Variants in GSG1L observed in about 807,000 individuals in gnomAD.
GSG1L encodes germ cell-specific gene 1-like protein.
GSG1L carries 24 observed loss-of-function variants against 42.1 expected under a neutral mutation model. That is an observed-to-expected ratio of 0.57 (90% CI 0.41 to 0.80). GSG1L has a LOEUF of 0.80. GSG1L is among the 30% of genes least tolerant of loss of function. The probability of loss-of-function intolerance (pLI) is 0.00; values close to 1 mark genes in which losing one functional copy is unlikely to be tolerated. For synonymous variants in GSG1L, 215 were observed against 203.5 expected (o/e 1.06, Z -0.48); for missense variants, 445 against 472.2 (o/e 0.94, Z 0.53).
chr16:28,048,073 AT>A lies in GSG1L; in HGVS notation c.349+15002del, dbSNP rs1396966237. 4.4e-3 allele frequency among the ~76,000 whole-genome samples: 661 copies of A among 148,954 alleles called. 3 individuals are homozygous for A. Among genetic ancestry groups the A allele is most frequent in the African/African-American group, 0.016 (619 of 39,664 alleles). On this transcript the variant is annotated intron_variant, in intron 1 of 6. Coordinates refer to ENST00000447459, the MANE Select transcript of GSG1L (RefSeq NM_001109763.2). Reference sequence around the variant, plus strand: ...ATCTTTACAAAAAAAAAAAAAAAAAATTTTAATTAGCCAGGCATGGTGGCAT... The same window carrying A: ...ATCTTTACAAAAAAAAAAAAAAAAAATTTAATTAGCCAGGCATGGTGGCAT...
chr16:27,968,452 T>A (rs947758936), intron 1 of GSG1L, among the ~76,000 whole-genome samples: 2 of 152,110 alleles, frequency 1.3e-5, no homozygotes, highest in African/African-American at 4.8e-5. Flanking sequence ...GATCTCACTC[T>A]GTCACCCAGG....
intron 2 of GSG1L, among the ~76,000 whole-genome samples, chr16:27,947,560 A>AGAATGAAG (rs2084894861): frequency 1.2e-5 from 1 of 85,778 alleles, no homozygotes; most frequent in Non-Finnish European, 2.9e-5. Context: ...AAAGAAAGAA[A>AGAATGAAG]GAAAGAAAGA....
In GSG1L at chr16:27,907,582, G is replaced by A. The variant is rs537276984; in HGVS notation, c.398-22944C>T. On this transcript the variant is annotated intron_variant, in intron 2 of 6. Coordinates refer to ENST00000447459, the MANE Select transcript of GSG1L (RefSeq NM_001109763.2). Reference sequence around the variant, plus strand: ...TGCAGCCCTGGCCAAGTGACCAGAGGAGAGAGAAAGCTCTGCAGCTCTGGG... The same window carrying A: ...TGCAGCCCTGGCCAAGTGACCAGAGAAGAGAGAAAGCTCTGCAGCTCTGGG... Among the ~76,000 whole-genome samples the A allele has an allele frequency of 6.6e-5, 10 of 152,336 alleles. No homozygotes were observed. In the South Asian group the frequency reaches 2.1e-3, roughly 32 times the overall value.
intron 5 of GSG1L, among the ~76,000 whole-genome samples, chr16:27,827,590 A>T (rs1033561275): frequency 3.9e-5 from 6 of 152,268 alleles, no homozygotes; most frequent in Middle Eastern, 3.4e-3. Context: ...TACAGCAGAA[A>T]CAATGAACTC....
chr16:27,887,189 C>A (rs2084041199), intron 2 of GSG1L, among the ~76,000 whole-genome samples: 1 of 152,146 alleles, frequency 6.6e-6, no homozygotes, highest in Non-Finnish European at 1.5e-5. Context: ...CTCCTAAGCT[C>A]AAGTGATCAT....
chr16:27,850,727 C>T (rs1004078569), intron 3 of GSG1L: 1 of 357,934 alleles, frequency 2.8e-6, no homozygotes. Context: ...CTGGAGAGGG[C>T]CTGGGGCTCA....
At chr16:27,946,100 C>G (rs1485999337) in intron 2 of GSG1L, among the ~76,000 whole-genome samples, 1 of 152,178 alleles carries the variant, frequency 6.6e-6, no homozygotes, top group East Asian at 1.9e-4. Flanking sequence ...GTGAAAAGGC[C>G]CATGAGGTGT....
Position 27,888,608 on chromosome 16 carries a change from T to TC in GSG1L, c.398-3971dup, listed in dbSNP as rs760032040. Among the ~76,000 whole-genome samples, 45 of 148,210 alleles carry TC rather than the reference T, an allele frequency of 3.0e-4. 1 individual carries two copies. Among genetic ancestry groups the TC allele is most frequent in the Non-Finnish European group, 5.0e-4 (34 of 67,330 alleles). The stretch of plus-strand genomic sequence containing the variant: ...CTCCGTCTCTCTCTGTCTCTCTCTC[T>TC]CCCCGCCCCCCTTTCTTTTCTTTCT... On this transcript the variant is annotated intron_variant, in intron 2 of 6. Transcript: ENST00000447459.
At chr16:27,807,280 C>A (rs2082976304) in intron 6 of GSG1L, among the ~76,000 whole-genome samples, 1 of 152,188 alleles carries the variant, frequency 6.6e-6, no homozygotes, top group African/African-American at 2.4e-5. Context: ...AGCATCCCAT[C>A]CCGACTGGGA....
chr16:27,894,473 T>C (rs920515898), intron 2 of GSG1L, among the ~76,000 whole-genome samples: 2 of 152,186 alleles, frequency 1.3e-5, no homozygotes, highest in Non-Finnish European at 2.9e-5. Flanking sequence ...AACACCTTTT[T>C]TCTCAAAAAA....
chr16:27,813,387 C>T (rs2083056583), intron 5 of GSG1L, among the ~76,000 whole-genome samples: 1 of 152,206 alleles, frequency 6.6e-6, no homozygotes. Flanking sequence ...ATCCATGTTG[C>T]TGCAAAGGAC....
chr16:27,972,599 A>G (rs1050570059), intron 1 of GSG1L, among the ~76,000 whole-genome samples: 1 of 152,234 alleles, frequency 6.6e-6, no homozygotes, highest in African/African-American at 2.4e-5. Flanking sequence ...GGGCTTGACA[A>G]TTAGATCACA....
rs1174949961 is a variant in GSG1L, at chr16:28,045,811, C to CA, written c.349+17264dup. 1.4e-4 allele frequency among the ~76,000 whole-genome samples: 21 copies of CA among 152,186 alleles called. No individual in the cohort carries two copies. In the East Asian group the frequency reaches 4.1e-3, roughly 30 times the overall value. On this transcript the variant is annotated intron_variant, in intron 1 of 6. Transcript: ENST00000447459. The stretch of plus-strand genomic sequence containing the variant: ...AGGAGTTTGAGACCAGCCTGGGCAA[C>CA]ATGGTGAAACTCCACCTCTACTCAA...
At chr16:27,802,195 G>A (rs1489276590) in intron 6 of GSG1L, among the ~76,000 whole-genome samples, 1 of 152,170 alleles carries the variant, frequency 6.6e-6, no homozygotes, top group Non-Finnish European at 1.5e-5. Flanking sequence ...AACAAGACTT[G>A]GAAGTCAACA....
At chr16:28,045,142 CATGTCA>C in intron 1 of GSG1L, among the ~76,000 whole-genome samples, 2 of 152,106 alleles carry the variant, frequency 1.3e-5, no homozygotes, top group Non-Finnish European at 2.9e-5. Flanking sequence ...ATGGTGGGTC[CATGTCA>C]TTACACATTT....
Position 28,063,327 on chromosome 16 carries a change from C to T in GSG1L, c.98G>A (p.Cys33Tyr). 1 of 1,402,868 alleles carries T rather than the reference C, an allele frequency of 7.1e-7. No individual in the cohort carries two copies. Among genetic ancestry groups the T allele is most frequent in the South Asian group, 1.3e-5 (1 of 75,212 alleles). The allele number at this position is 1,402,868 out of a possible 1,614,324, so 86.9% of individuals were successfully genotyped here. Residue 33 changes from cysteine (C) to tyrosine (Y), a missense_variant, in exon 1 of 7, where the codon TGC becomes TAC. Coordinates refer to ENST00000447459, the MANE Select transcript of GSG1L (RefSeq NM_001109763.2). This position sits in a 1 kb window ranked among gnomAD's most constrained non-coding sequence, Gnocchi z 5.8. ...ATTAFLTTHW[C>Y]QGTQRVPKPG... ...CTTGGGGACCCGCTGCGTGCCCTGG[C>T]ACCAGTGCGTGGTGAGGAAAGCGGT...
chr16:27,832,490 T>C (rs959637492), intron 4 of GSG1L, among the ~76,000 whole-genome samples: 2 of 152,182 alleles, frequency 1.3e-5, no homozygotes, highest in Non-Finnish European at 2.9e-5. Context: ...TGGGATTGGC[T>C]TTTTTTCACC....
At chr16:27,861,334 G>A (rs1567491951) in intron 3 of GSG1L, among the ~76,000 whole-genome samples, 1 of 151,936 alleles carries the variant, frequency 6.6e-6, no homozygotes, top group African/African-American at 2.4e-5. Flanking sequence ...CCGAGATCGC[G>A]CCAGTGCACT....
chr16:27,909,745 G>A (rs192730821), intron 2 of GSG1L, among the ~76,000 whole-genome samples: 1 of 144,788 alleles, frequency 6.9e-6, no homozygotes, highest in African/African-American at 2.6e-5. Flanking sequence ...GGGCTCATGT[G>A]ATCCTCCCAC....
Sources: allele counts gnomAD v4.1 joint callset (sites outside exome capture counted in the v4.1 genomes callset), GRCh38; gene constraint gnomAD v4.1.1; non-coding constraint Gnocchi (gnomAD v3.1); transcripts MANE v1.5; gene names NCBI Gene and HGNC (gene_info 2026-07-23, HGNC 2026-07-21).